KCNH1: variants seen among roughly 807,000 people sequenced by gnomAD.
The protein encoded by KCNH1 is voltage-gated delayed rectifier potassium channel KCNH1.
In KCNH1, 27 loss-of-function variants were observed where a neutral mutation model predicts 69.2. The observed-to-expected ratio is 0.39, with a 90% CI of 0.29 to 0.54. The LOEUF (loss-of-function observed/expected upper bound fraction) is 0.54, where lower values mean the gene tolerates loss of function less well. Ranked by LOEUF, KCNH1 falls within the 20% of genes least tolerant of loss-of-function variation. KCNH1 has a pLI of 0.68. For synonymous variants in KCNH1, 456 were observed against 487.7 expected, an observed-to-expected ratio of 0.93 and a Z score of 0.86; for missense variants, 798 against 1,261.6, an observed-to-expected ratio of 0.63 and a Z score of 5.57.
At chr1:210,860,549 C>T (rs936594054) in intron 7 of KCNH1, 92 of 859,716 alleles carry the variant, frequency 1.1e-4, no homozygotes, top group Middle Eastern at 3.2e-4. Flanking sequence ...GTCATTTCTA[C>T]TGCAATAGGA....
chr1:210,959,792 A>T (rs538006755), intron 6 of KCNH1, among the ~76,000 whole-genome samples: 3 of 152,308 alleles, frequency 2.0e-5, no homozygotes, highest in Admixed American at 6.5e-5. Flanking sequence ...GAATGTACCA[A>T]TCTTCCAGGG....
At chr1:210,808,058 C>T (rs575314247) in intron 7 of KCNH1, among the ~76,000 whole-genome samples, 1 of 152,200 alleles carries the variant, frequency 6.6e-6, no homozygotes, top group Non-Finnish European at 1.5e-5. Context: ...GTTGAAGGTC[C>T]TGTCTCCTCC....
rs570725609 is a variant in KCNH1 at position 210,769,391 on chromosome 1, T to G, written c.2112+5957A>C. On this transcript the variant is annotated intron_variant, in intron 10 of 10. Coordinates refer to ENST00000271751, the MANE Select transcript of KCNH1 (RefSeq NM_172362.3). ...ACATATGGTATTCAAGACAGTTCAC[T>G]ATGGCAACCTCAGTTTTAGAAAACA... Among the ~76,000 whole-genome samples, 21 of 152,354 alleles carry G rather than the reference T, an allele frequency of 1.4e-4. No homozygotes were observed. The East Asian group carries it at 3.9e-3, about 28-fold the overall frequency.
chr1:210,729,645 C>T (rs994390534), intron 10 of KCNH1, among the ~76,000 whole-genome samples: 8 of 152,316 alleles, frequency 5.3e-5, no homozygotes, highest in African/African-American at 1.7e-4. Flanking sequence ...AAATTACTTG[C>T]AACACACCTC....
At chr1:210,852,808 G>T (rs1008312288) in intron 7 of KCNH1, among the ~76,000 whole-genome samples, 3 of 152,144 alleles carry the variant, frequency 2.0e-5, no homozygotes, top group Non-Finnish European at 4.4e-5. Context: ...ATCAAGAAAA[G>T]ATGTTAGAAT....
rs903967931 is a variant in KCNH1 at position 210,678,489 on chromosome 1, T to G, written c.*4792A>C. Reference sequence around the variant, plus strand: ...TGGTGTTCTTGGCAGCATCCTCAGCTGACCACAAAAATAGTATCAGCTCAT... The same window carrying G: ...TGGTGTTCTTGGCAGCATCCTCAGCGGACCACAAAAATAGTATCAGCTCAT... On this transcript the variant is annotated 3_prime_UTR_variant, in exon 11 of 11. Transcript: ENST00000271751. 8 of 152,196 alleles carry G rather than the reference T, an allele frequency of 5.3e-5. No individual in the cohort carries two copies. The highest frequency in any genetic ancestry group is 8.8e-5 in the Non-Finnish European group (6 of 68,038). The allele number at this position is 152,196 out of a possible 1,614,324, so 9.4% of individuals were successfully genotyped here.
At chr1:210,939,473 C>G (rs560677063) in intron 6 of KCNH1, among the ~76,000 whole-genome samples, 1 of 152,112 alleles carries the variant, frequency 6.6e-6, no homozygotes. Context: ...ATGTTCCAGA[C>G]AGAAGGATCA....
chr1:210,987,742 G>A (rs1390692288), intron 6 of KCNH1, among the ~76,000 whole-genome samples: 2 of 152,228 alleles, frequency 1.3e-5, no homozygotes, highest in East Asian at 3.8e-4. Context: ...TGACCCGCTT[G>A]AGGAGGCAGT....
intron 3 of KCNH1, among the ~76,000 whole-genome samples, chr1:211,093,816 T>C (rs936704006): frequency 3.9e-5 from 6 of 152,156 alleles, no homozygotes; most frequent in Non-Finnish European, 5.9e-5. Context: ...TGGTTGGTAA[T>C]CTGGGAGACG....
chr1:211,024,483 A>T (rs376042575), intron 5 of KCNH1, among the ~76,000 whole-genome samples: 2 of 152,352 alleles, frequency 1.3e-5, no homozygotes, highest in South Asian at 4.1e-4. Flanking sequence ...AGAAGATGCT[A>T]GATGAGCTCT....
At chr1:211,040,614 T>G (rs1689978578) in intron 5 of KCNH1, among the ~76,000 whole-genome samples, 2 of 152,220 alleles carry the variant, frequency 1.3e-5, no homozygotes, top group African/African-American at 2.4e-5. Context: ...ATCAGCAGCA[T>G]GAAAACAGAC....
At chr1:210,862,514 T>G (rs1269859551) in intron 7 of KCNH1, among the ~76,000 whole-genome samples, 3 of 152,150 alleles carry the variant, frequency 2.0e-5, no homozygotes, top group Non-Finnish European at 4.4e-5. Flanking sequence ...TTTGTGTTGT[T>G]GTAGAGATAG....
At chr1:210,754,844 GCA>G (rs3040180) in intron 10 of KCNH1, among the ~76,000 whole-genome samples, 37,088 of 148,656 alleles carry the variant, frequency 0.25, 4,575 homozygotes, top group Non-Finnish European at 0.28. Context: ...GTACACACGG[GCA>G]CACACACACA....
At chr1:210,704,541 G>T (rs184437747) in intron 10 of KCNH1, among the ~76,000 whole-genome samples, 1 of 152,128 alleles carries the variant, frequency 6.6e-6, no homozygotes, top group African/African-American at 2.4e-5. Context: ...ATTGACATTT[G>T]TTCCTACTTT....
intron 5 of KCNH1, among the ~76,000 whole-genome samples, chr1:211,028,081 C>T (rs1459488109): frequency 6.6e-6 from 1 of 152,060 alleles, no homozygotes; most frequent in Non-Finnish European, 1.5e-5. Flanking sequence ...AGATCATATG[C>T]TAGTCCATAA....
rs535326713 is a variant in KCNH1 at position 210,996,178 on chromosome 1, G to A, written c.1032+22605C>T. 3.9e-5 allele frequency among the ~76,000 whole-genome samples: 6 copies of A among 152,264 alleles called. No individual in the cohort carries two copies. In the South Asian group the frequency reaches 1.2e-3, roughly 32 times the overall value. On this transcript the variant is annotated intron_variant, in intron 6 of 10. Coordinates refer to ENST00000271751, the MANE Select transcript of KCNH1 (RefSeq NM_172362.3). ...CTGCATTGTGCACGAGCCGAAGCAG[G>A]GTGAGGCATCGCCTCACTCGGGAAG... is the stretch of plus-strand genomic sequence containing the variant.
intron 5 of KCNH1, among the ~76,000 whole-genome samples, chr1:211,025,652 A>C (rs1038260952): frequency 6.6e-6 from 1 of 152,022 alleles, no homozygotes; most frequent in Admixed American, 6.5e-5. Context: ...TGGAACACCA[A>C]GCTCTGTGTT....
At chr1:211,013,205 G>T (rs1689426954) in intron 6 of KCNH1, among the ~76,000 whole-genome samples, 1 of 152,188 alleles carries the variant, frequency 6.6e-6, no homozygotes, top group South Asian at 2.1e-4. Context: ...AATGAACGTT[G>T]GTCCAACTTG....
chr1:210,832,409 CAG>C (rs1457768048), intron 7 of KCNH1, among the ~76,000 whole-genome samples: 1 of 152,136 alleles, frequency 6.6e-6, no homozygotes, highest in African/African-American at 2.4e-5. Flanking sequence ...CCCAATTCTC[CAG>C]AGTCTTTTCA....
Sources: gnomAD v4.1 joint callset for allele counts (sites outside exome capture counted in the v4.1 genomes callset) on GRCh38, gnomAD v4.1.1 for gene constraint, MANE v1.5 for transcripts, NCBI Gene and HGNC (gene_info 2026-07-23, HGNC 2026-07-21) for gene names.